MDFIC: variants seen among roughly 807,000 people sequenced by gnomAD.
The protein encoded by MDFIC is myoD family inhibitor domain-containing protein.
A neutral mutation model predicts 23.2 loss-of-function variants in MDFIC; 17 were observed. The ratio of observed to expected loss-of-function variants is 0.73; its 90% CI spans 0.50 to 1.10. The LOEUF is 1.10. Among genes scored for constraint, MDFIC ranks in the 50% least tolerant of loss-of-function variants. MDFIC has a pLI of 0.00. For synonymous variants in MDFIC, 120 were observed against 115.2 expected, an observed-to-expected ratio of 1.04 and a Z score of -0.27; for missense variants, 356 against 316.6, an observed-to-expected ratio of 1.12 and a Z score of -0.95.
At chr7:114,969,451 T>A (rs1416941308) in intron 3 of MDFIC, among the ~76,000 whole-genome samples, 2 of 152,168 alleles carry the variant, frequency 1.3e-5, no homozygotes, top group Non-Finnish European at 2.9e-5. Context: ...GTTGACGGAA[T>A]TCTAAGAATA....
intron 4 of MDFIC, among the ~76,000 whole-genome samples, chr7:114,989,744 A>G (rs971339503): frequency 5.3e-5 from 8 of 152,294 alleles, no homozygotes; most frequent in South Asian, 2.1e-4. Flanking sequence ...AGTAACCTCT[A>G]TTGAATGATT....
intron 4 of MDFIC, chr7:114,979,996 A>G (rs1252073654): frequency 6.4e-6 from 4 of 620,728 alleles, no homozygotes; most frequent in African/African-American, 5.5e-5. Context: ...ATCGTCTTCT[A>G]GAGTGAATAG....
chr7:114,985,158 T>C (rs1339590317), intron 4 of MDFIC, among the ~76,000 whole-genome samples: 5 of 152,190 alleles, frequency 3.3e-5, no homozygotes, highest in Admixed American at 2.0e-4. Context: ...ACTTAGCCTC[T>C]TTTTGCATCA....
At chr7:115,008,887 C>G (rs1302697142) in intron 4 of MDFIC, among the ~76,000 whole-genome samples, 2 of 152,180 alleles carry the variant, frequency 1.3e-5, no homozygotes, top group Non-Finnish European at 2.9e-5. Flanking sequence ...AGCCTTCACC[C>G]AGTCAGACTT....
chr7:114,989,553 C>G (rs1226664588), intron 4 of MDFIC, among the ~76,000 whole-genome samples: 1 of 152,188 alleles, frequency 6.6e-6, no homozygotes, highest in Non-Finnish European at 1.5e-5. Flanking sequence ...ACCTTCTTGA[C>G]AAACCAGCAT....
At chr7:115,014,898 A>G (rs1036865408) in intron 4 of MDFIC, among the ~76,000 whole-genome samples, 1 of 152,176 alleles carries the variant, frequency 6.6e-6, no homozygotes, top group Non-Finnish European at 1.5e-5. Flanking sequence ...TTTAATGAAC[A>G]TTGTTGTTTA....
intron 3 of MDFIC, among the ~76,000 whole-genome samples, chr7:114,954,001 C>T (rs1252092331): frequency 2.6e-5 from 4 of 152,160 alleles, no homozygotes; most frequent in Non-Finnish European, 5.9e-5. Context: ...ACAGAGGGAG[C>T]TGATTTTAGT....
intron 2 of MDFIC, among the ~76,000 whole-genome samples, chr7:114,925,648 T>C (rs1393652353): frequency 1.3e-5 from 2 of 152,140 alleles, no homozygotes; most frequent in African/African-American, 4.8e-5. Flanking sequence ...AATGGGGATT[T>C]TGGGGAACTG....
intron 2 of MDFIC, among the ~76,000 whole-genome samples, chr7:114,924,318 C>T (rs1336878616): frequency 6.6e-6 from 1 of 152,142 alleles, no homozygotes; most frequent in African/African-American, 2.4e-5. Context: ...GTAGTCATAT[C>T]GACTCATTGA....
At chr7:114,961,806 C>A (rs1792997759) in intron 3 of MDFIC, among the ~76,000 whole-genome samples, 1 of 152,108 alleles carries the variant, frequency 6.6e-6, no homozygotes, top group Non-Finnish European at 1.5e-5. Flanking sequence ...CCCCATGATC[C>A]TATCACCTCC....
At chr7:114,955,932 A>G (rs1158481904) in intron 3 of MDFIC, among the ~76,000 whole-genome samples, 1 of 152,192 alleles carries the variant, frequency 6.6e-6, no homozygotes, top group Non-Finnish European at 1.5e-5. Context: ...TTATTTATCT[A>G]TAAGACTGAG....
intron 4 of MDFIC, among the ~76,000 whole-genome samples, chr7:114,993,860 T>A (rs760880743): frequency 6.6e-6 from 1 of 152,208 alleles, no homozygotes; most frequent in Non-Finnish European, 1.5e-5. Context: ...AGATGTCTAT[T>A]AGGTCTGTTT....
chr7:115,007,630 G>GTATATATATATATATA (rs10528546), intron 4 of MDFIC, among the ~76,000 whole-genome samples: 32 of 132,864 alleles, frequency 2.4e-4, no homozygotes, highest in Non-Finnish European at 4.3e-4. Flanking sequence ...GCGTGTGTGT[G>GTATATATATATATATA]TATATATATA....
chr7:114,996,931 T>G (rs1265083280), intron 4 of MDFIC, among the ~76,000 whole-genome samples: 1 of 151,428 alleles, frequency 6.6e-6, no homozygotes, highest in East Asian at 1.9e-4. Context: ...TGAGGAAGAG[T>G]AGCTAGTAAT....
chr7:115,007,614 T>G (rs1009948292), intron 4 of MDFIC, among the ~76,000 whole-genome samples: 1 of 135,396 alleles, frequency 7.4e-6, no homozygotes, highest in African/African-American at 2.9e-5. Flanking sequence ...TCTATCTATC[T>G]AGTGTGCGTG....
chr7:114,949,498 A>C (rs1189320177), intron 3 of MDFIC, among the ~76,000 whole-genome samples: 1 of 152,256 alleles, frequency 6.6e-6, no homozygotes, highest in Admixed American at 6.5e-5. Context: ...ACACTCTGTG[A>C]ACTTACACGT....
At chr7:114,950,324 G>A (rs1792740050) in intron 3 of MDFIC, among the ~76,000 whole-genome samples, 2 of 152,146 alleles carry the variant, frequency 1.3e-5, no homozygotes, top group Non-Finnish European at 2.9e-5. Context: ...TTAAAGGAAT[G>A]ACAGGTGCTG....
chr7:114,979,864 T>C (rs1213185100), intron 4 of MDFIC, 83 bp downstream of exon 4: 5 of 1,469,300 alleles, frequency 3.4e-6, no homozygotes, highest in Non-Finnish European at 3.8e-6. Flanking sequence ...GCATATATAA[T>C]TGAAGAATCT....
rs764487696 is a variant in MDFIC, at chr7:115,019,812, C to T, written c.*3877C>T. Among the ~76,000 whole-genome samples the T allele has an allele frequency of 5.9e-5, 9 of 152,038 alleles. No homozygotes were observed. The highest frequency in any genetic ancestry group is 1.2e-4 in the Non-Finnish European group (8 of 67,998). ...GGTTAATATATTAATAGGGTTTGTTCCACACTTACTATTTATAGTTTTTAT... is the reference window on the plus strand; with the variant it reads ...GGTTAATATATTAATAGGGTTTGTTTCACACTTACTATTTATAGTTTTTAT... On this transcript the variant is annotated 3_prime_UTR_variant, in exon 5 of 5. Coordinates refer to ENST00000393486, the MANE Select transcript of MDFIC (RefSeq NM_001166345.3).
Sources: gnomAD v4.1 joint callset for allele counts (sites outside exome capture counted in the v4.1 genomes callset) on GRCh38, gnomAD v4.1.1 for gene constraint, MANE v1.5 for transcripts, NCBI Gene and HGNC (gene_info 2026-07-23, HGNC 2026-07-21) for gene names.